The following BRAF variants were observed in gnomAD, a reference collection of about 807,000 sequenced individuals.
BRAF encodes serine/threonine-protein kinase B-raf.
In BRAF, 16 loss-of-function variants were observed where a neutral mutation model predicts 104.6. The ratio of observed to expected loss-of-function variants is 0.15; its 90% confidence interval spans 0.10 to 0.23. The LOEUF (loss-of-function observed/expected upper bound fraction) is 0.23, where lower values mean the gene tolerates loss of function less well. Among genes scored for constraint, BRAF ranks in the 10% least tolerant of loss-of-function variants. The pLI, the probability that BRAF is intolerant of heterozygous loss-of-function variation, is 1.00. For missense variants in BRAF, 541 were observed against 937.3 expected, an observed-to-expected ratio of 0.58 and a Z score of 5.52; for synonymous variants, 310 against 341.6, an observed-to-expected ratio of 0.91 and a Z score of 1.02.
intron 17 of BRAF, among the ~76,000 whole-genome samples, chr7:140,745,065 G>A (rs1206700186): frequency 3.9e-5 from 6 of 152,046 alleles, no homozygotes; most frequent in African/African-American, 1.4e-4. Flanking sequence ...GAGAAAAAAG[G>A]AACCATGTAA....
chr7:140,714,848 G>T (rs74432593), downstream of BRAF, among the ~76,000 whole-genome samples: 166 of 152,252 alleles, frequency 1.1e-3, 2 homozygotes, highest in South Asian at 3.9e-3. Flanking sequence ...AAAGCAAATT[G>T]AACTTTTGAC....
chr7:140,786,465 C>A (rs1456897199), intron 9 of BRAF, among the ~76,000 whole-genome samples: 1 of 152,124 alleles, frequency 6.6e-6, no homozygotes, highest in African/African-American at 2.4e-5. Context: ...GTGTAAAGGA[C>A]CTCCTGGAAG....
intron 1 of BRAF, among the ~76,000 whole-genome samples, chr7:140,875,878 A>T (rs1479523407): frequency 6.6e-6 from 1 of 152,240 alleles, no homozygotes; most frequent in African/African-American, 2.4e-5. Context: ...TAAAACAAAG[A>T]TATTTTCAGA....
chr7:140,824,281 C>T (rs1485131485), intron 3 of BRAF: 6 of 152,100 alleles, frequency 3.9e-5, no homozygotes, highest in Admixed American at 3.9e-4. Flanking sequence ...ATGGCTTTAA[C>T]TGTTATGTTC....
chr7:140,746,406 G>A (rs568694623), intron 17 of BRAF, among the ~76,000 whole-genome samples: 2 of 152,268 alleles, frequency 1.3e-5, no homozygotes, highest in African/African-American at 2.4e-5. Flanking sequence ...CCAGACTTTA[G>A]TGCTAGGGTG....
chr7:140,849,364 T>C (rs557178067), intron 2 of BRAF, among the ~76,000 whole-genome samples: 1 of 152,254 alleles, frequency 6.6e-6, no homozygotes, highest in South Asian at 2.1e-4. Context: ...CTAAACAATG[T>C]TGAGCTATTT....
chr7:140,740,800 A>C (rs1268655040), intron 17 of BRAF: 1 of 152,240 alleles, frequency 6.6e-6, no homozygotes, highest in Non-Finnish European at 1.5e-5. Context: ...TGCTGTAATG[A>C]CCCTTGTTTA....
At chr7:140,844,938 T>G (rs1302228106) in intron 2 of BRAF, among the ~76,000 whole-genome samples, 2 of 150,516 alleles carry the variant, frequency 1.3e-5, no homozygotes, top group Non-Finnish European at 3.0e-5. Context: ...AAAAGGAATC[T>G]CAAGGGATCC....
At chr7:140,874,134 G>A (rs1811925941) in intron 1 of BRAF, among the ~76,000 whole-genome samples, 2 of 151,672 alleles carry the variant, frequency 1.3e-5, no homozygotes, top group African/African-American at 2.4e-5. Context: ...GTAAATAGCA[G>A]TAGACGATTG....
chr7:140,751,878 T>C (rs1797819160), intron 16 of BRAF, among the ~76,000 whole-genome samples: 2 of 152,232 alleles, frequency 1.3e-5, no homozygotes, highest in Admixed American at 6.5e-5. Flanking sequence ...CCGAAAGTCT[T>C]AGTGCAGATT....
intron 2 of BRAF, among the ~76,000 whole-genome samples, chr7:140,841,431 T>G (rs181526132): frequency 2.2e-4 from 33 of 152,246 alleles, no homozygotes; most frequent in Admixed American, 1.7e-3. Flanking sequence ...ACACAAAAAC[T>G]TGCACGTGAA....
In BRAF at chr7:140,785,771, G is replaced by T; in HGVS notation, c.1215C>A (p.Tyr405Ter). 2 of 399,052 alleles carry T rather than the reference G, an allele frequency of 5.0e-6. No individual in the cohort carries two copies. The highest frequency in any genetic ancestry group is 8.8e-6 in the Non-Finnish European group (2 of 226,092). 24.7% of individuals were successfully genotyped at this position (399,052 alleles called of 1,614,324 possible). A position where few individuals can be genotyped will look rare whatever the true frequency, so the allele number is the denominator to read the frequency against. ...LNQLMRCLRK[Y>*]QSRTPSPLLH... ...GGAGGGGACTGGGAGTCCGGGATTG[G>T]TATTTCCGAAGACAGCGCATCAGCT... Residue 405 changes from tyrosine (Y) to a stop codon, truncating the protein, a stop_gained, in exon 10 of 20, where the codon TAC becomes TAA. Coordinates refer to ENST00000644969, the MANE Select transcript of BRAF (RefSeq NM_001374258.1). LOFTEE classifies it high-confidence loss of function.
chr7:140,913,500 G>A (rs1490833306), intron 1 of BRAF, among the ~76,000 whole-genome samples: 1 of 1,746 alleles, frequency 5.7e-4, no homozygotes, highest in Non-Finnish European at 1.8e-3. Flanking sequence ...TTTTTTTTTT[G>A]TGAGACAGAG....
intron 3 of BRAF, among the ~76,000 whole-genome samples, chr7:140,832,749 T>C (rs1806907653): frequency 1.3e-5 from 2 of 152,208 alleles, no homozygotes; most frequent in Admixed American, 6.6e-5. Flanking sequence ...GTTATTCATT[T>C]ATCATTTTAC....
At chr7:140,786,608 C>G (rs182115927) in intron 9 of BRAF, among the ~76,000 whole-genome samples, 1 of 152,168 alleles carries the variant, frequency 6.6e-6, no homozygotes, top group Non-Finnish European at 1.5e-5. Flanking sequence ...AGTTGGAAAT[C>G]TCAATTCAGT....
At chr7:140,739,690 G>A (rs1396922382) in intron 18 of BRAF, 122 bp downstream of exon 17, 2 of 1,164,928 alleles carry the variant, frequency 1.7e-6, no homozygotes, top group African/African-American at 1.5e-5. Flanking sequence ...GTGTTTTCTT[G>A]TCTGGAGTCT....
At position 140,719,565 on chromosome 7, in the gene BRAF, G is replaced by A. The variant is rs1795224070; in HGVS notation, c.*6929C>T. 9.5e-7 allele frequency: 1 copy of A among 1,052,530 alleles called. No individual in the cohort carries two copies. The highest frequency in any genetic ancestry group is 1.7e-5 in the African/African-American group (1 of 60,554). 65.2% of individuals were successfully genotyped at this position (1,052,530 alleles called of 1,614,324 possible). ...GAAAAACTCCAAAGTACAAATGAAG[G>A]GACCTGAGCAGGAAAGAGAACCAAA... On this transcript the variant is annotated 3_prime_UTR_variant, in exon 20 of 20. Coordinates refer to ENST00000644969, the MANE Select transcript of BRAF (RefSeq NM_001374258.1).
chr7:140,914,388 C>A (rs1037499087), intron 1 of BRAF, among the ~76,000 whole-genome samples: 1 of 152,060 alleles, frequency 6.6e-6, no homozygotes, highest in Non-Finnish European at 1.5e-5. Flanking sequence ...AAGGCATGTG[C>A]AGGAAGAATA....
Position 140,726,215 on chromosome 7 carries a change from C to A in BRAF, c.*279G>T. 1 of 1,259,960 alleles carries A rather than the reference C, an allele frequency of 7.9e-7. No individual in the cohort carries two copies. The highest frequency in any genetic ancestry group is 1.0e-6 in the Non-Finnish European group (1 of 1,002,558). 78.0% of individuals were successfully genotyped at this position (1,259,960 alleles called of 1,614,324 possible). Reference sequence around the variant, plus strand: ...CCATCATGCCTGACCATCAAAAGGTCAGAATTCAGGGTCTCTCCTCTTTCT... The same window carrying A: ...CCATCATGCCTGACCATCAAAAGGTAAGAATTCAGGGTCTCTCCTCTTTCT... On this transcript the variant is annotated 3_prime_UTR_variant, in exon 20 of 20. Coordinates refer to ENST00000644969, the MANE Select transcript of BRAF (RefSeq NM_001374258.1).
Sources: allele counts gnomAD v4.1 joint callset (sites outside exome capture counted in the v4.1 genomes callset), GRCh38; gene constraint gnomAD v4.1.1; transcripts MANE v1.5; gene names NCBI Gene and HGNC (gene_info 2026-07-23, HGNC 2026-07-21).